The following MYMX variants were observed in gnomAD, a reference collection of about 807,000 sequenced individuals.
MYMX encodes the protein protein myomixer.
chr6:44,208,047 G>A, the MYMX span, among the ~76,000 whole-genome samples: 1 of 152,066 alleles, frequency 6.6e-6, no homozygotes, highest in East Asian at 1.9e-4. Flanking sequence ...GGGCAACATG[G>A]CAAAACCTCG....
At chr6:44,195,951 C>CT in the MYMX span, among the ~76,000 whole-genome samples, 1 of 150,666 alleles carries the variant, frequency 6.6e-6, no homozygotes, top group Non-Finnish European at 1.5e-5. Flanking sequence ...TCTTTTTTTC[C>CT]TTTTTTTTGA....
the MYMX span, among the ~76,000 whole-genome samples, chr6:44,206,007 A>AAAAAAT: frequency 7.0e-6 from 1 of 143,694 alleles, no homozygotes; most frequent in African/African-American, 2.6e-5. Context: ...ACAAAAAAAA[A>AAAAAAT]CCTCATTTTT....
the MYMX span, among the ~76,000 whole-genome samples, chr6:44,196,016 C>G: frequency 1.3e-5 from 2 of 152,092 alleles, no homozygotes; most frequent in Admixed American, 6.5e-5. Context: ...GATCTCAGCT[C>G]ACTACAACTT....
upstream of MYMX, among the ~76,000 whole-genome samples, chr6:44,212,265 C>T (rs927059328): frequency 1.3e-5 from 2 of 151,636 alleles, no homozygotes; most frequent in Non-Finnish European, 2.9e-5. Context: ...ATTAGCTGGG[C>T]GTGGTAGCAT....
In MYMX at chr6:44,217,836, A is replaced by T; in HGVS notation, c.*110A>T. The T allele has an allele frequency of 5.0e-6, 2 of 399,916 alleles. No homozygotes were observed. The highest frequency in any genetic ancestry group is 8.8e-6 in the Non-Finnish European group (2 of 226,222). The allele number at this position is 399,916 out of a possible 1,614,324, so 24.8% of individuals were successfully genotyped here. A position where few individuals can be genotyped will look rare whatever the true frequency, so the allele number is the denominator to read the frequency against. ...TGCCCAGTGGACAGAAGATATAGTG[A>T]GGGTTGTGCATGAGAGGGATCTGCC... is the stretch of plus-strand genomic sequence containing the variant. On this transcript the variant is annotated 3_prime_UTR_variant, in exon 2 of 2. Coordinates refer to ENST00000573382, the MANE Select transcript of MYMX (RefSeq NM_001315494.2).
chr6:44,217,200 C>CCT (rs1775924850), intron 1 of MYMX, among the ~76,000 whole-genome samples: 1 of 152,082 alleles, frequency 6.6e-6, no homozygotes, highest in South Asian at 2.1e-4. Flanking sequence ...GAGCTGGGAA[C>CCT]GGCAAGCTGT....
chr6:44,216,214 C>T (rs781773331), upstream of MYMX, among the ~76,000 whole-genome samples: 20 of 152,352 alleles, frequency 1.3e-4, no homozygotes, highest in South Asian at 4.1e-4. Context: ...TCTGCAGACT[C>T]ACTGCTTCTG....
At chr6:44,206,489 C>T in the MYMX span, among the ~76,000 whole-genome samples, 1 of 152,216 alleles carries the variant, frequency 6.6e-6, no homozygotes. Flanking sequence ...GCCTCGGCCT[C>T]CCAAAGTGTT....
the MYMX span, among the ~76,000 whole-genome samples, chr6:44,202,022 G>A: frequency 6.6e-6 from 1 of 152,204 alleles, no homozygotes; most frequent in Non-Finnish European, 1.5e-5. Context: ...TCATGCGGAG[G>A]CAGTGGCCTG....
At chr6:44,205,047 C>A in the MYMX span, among the ~76,000 whole-genome samples, 2 of 152,020 alleles carry the variant, frequency 1.3e-5, no homozygotes, top group South Asian at 2.1e-4. Flanking sequence ...ATTTGGCCAA[C>A]GGGTGAGCAT....
At chr6:44,199,442 C>T in the MYMX span, among the ~76,000 whole-genome samples, 767 of 152,288 alleles carry the variant, frequency 5.0e-3, 5 homozygotes, top group African/African-American at 0.017. Flanking sequence ...AAGTGAACTG[C>T]CTGCCTCGGC....
chr6:44,198,167 T>C, the MYMX span, among the ~76,000 whole-genome samples: 1 of 138,442 alleles, frequency 7.2e-6, no homozygotes, highest in Non-Finnish European at 1.6e-5. Context: ...TTTTTTTTTT[T>C]TTTTTTTTTT....
the MYMX span, among the ~76,000 whole-genome samples, chr6:44,203,212 C>T: frequency 6.6e-6 from 1 of 152,258 alleles, no homozygotes; most frequent in Admixed American, 6.5e-5. Context: ...CACACACATC[C>T]TGGGAGTGTG....
At chr6:44,202,590 T>C in the MYMX span, among the ~76,000 whole-genome samples, 1 of 152,102 alleles carries the variant, frequency 6.6e-6, no homozygotes, top group East Asian at 1.9e-4. Context: ...GGCGGCTTTG[T>C]TCCTGACGAA....
At chr6:44,204,425 C>A in the MYMX span, among the ~76,000 whole-genome samples, 1 of 152,168 alleles carries the variant, frequency 6.6e-6, no homozygotes, top group African/African-American at 2.4e-5. Flanking sequence ...GGACATACCA[C>A]TCCAAAACAG....
upstream of MYMX, among the ~76,000 whole-genome samples, chr6:44,213,276 C>T (rs548883549): frequency 5.6e-4 from 84 of 151,296 alleles, no homozygotes; most frequent in African/African-American, 1.9e-3. Context: ...GTCCCAGCTA[C>T]TCGGGAGGCT....
chr6:44,199,690 ATTT>A, the MYMX span, among the ~76,000 whole-genome samples: 1 of 147,196 alleles, frequency 6.8e-6, no homozygotes, highest in Non-Finnish European at 1.5e-5. Context: ...GGGAGAACTA[ATTT>A]TTTTTTTTTT....
chr6:44,208,684 G>A, the MYMX span, among the ~76,000 whole-genome samples: 3 of 152,182 alleles, frequency 2.0e-5, no homozygotes, highest in Non-Finnish European at 2.9e-5. Flanking sequence ...CTCCAGGCCT[G>A]GGACATATAG....
chr6:44,208,142 C>T, the MYMX span, among the ~76,000 whole-genome samples: 10 of 151,426 alleles, frequency 6.6e-5, no homozygotes, highest in African/African-American at 2.4e-4. Context: ...GCAGGAGGAT[C>T]GCTTAAGCCT....
Sources: gnomAD v4.1 joint callset for allele counts (sites outside exome capture counted in the v4.1 genomes callset) on GRCh38, gnomAD v4.1.1 for gene constraint, MANE v1.5 for transcripts, NCBI Gene and HGNC (gene_info 2026-07-23, HGNC 2026-07-21) for gene names.